The following FGD4 variants were observed in gnomAD, a reference collection of about 807,000 sequenced individuals.
The protein encoded by FGD4 is FYVE, RhoGEF and PH domain-containing protein 4.
Under a neutral mutation model 102.0 loss-of-function variants are expected in FGD4, and 42 were observed. The observed-to-expected ratio is 0.41, with a 90% CI of 0.32 to 0.53. The LOEUF is 0.53. Among genes scored for constraint, FGD4 ranks in the 20% least tolerant of loss-of-function variants. The pLI is 0.21. For synonymous variants in FGD4, 380 were observed against 375.7 expected, an observed-to-expected ratio of 1.01 and a Z score of -0.13; for missense variants, 902 against 1,078.2, an observed-to-expected ratio of 0.84 and a Z score of 2.29.
chr12:32,559,563 T>C (rs1254852361), intron 1 of FGD4, among the ~76,000 whole-genome samples: 1 of 152,230 alleles, frequency 6.6e-6, no homozygotes, highest in Non-Finnish European at 1.5e-5. Context: ...GTTGATCTAA[T>C]TGCCTCTGGC....
intron 1 of FGD4, among the ~76,000 whole-genome samples, chr12:32,549,365 G>A (rs1341216091): frequency 1.3e-5 from 2 of 152,076 alleles, no homozygotes; most frequent in African/African-American, 4.8e-5. Flanking sequence ...TCTTAATTCT[G>A]GGGTTCGGAA....
intron 1 of FGD4, among the ~76,000 whole-genome samples, chr12:32,455,986 T>C (rs543557125): frequency 5.3e-5 from 8 of 152,266 alleles, no homozygotes; most frequent in Admixed American, 5.2e-4. Flanking sequence ...AGTGGACGAG[T>C]GCACTTTCAG....
intron 1 of FGD4, among the ~76,000 whole-genome samples, chr12:32,482,874 C>T (rs1444208486): frequency 6.6e-6 from 1 of 152,146 alleles, no homozygotes; most frequent in African/African-American, 2.4e-5. Context: ...GCATTCCAGA[C>T]CTGCCGTTTA....
chr12:32,536,198 G>A (rs1004219254), intron 1 of FGD4, among the ~76,000 whole-genome samples: 1 of 151,904 alleles, frequency 6.6e-6, no homozygotes, highest in African/African-American at 2.4e-5. Flanking sequence ...TGACTCAATA[G>A]GAAATATTAT....
intron 1 of FGD4, among the ~76,000 whole-genome samples, chr12:32,489,992 G>C (rs188550556): frequency 5.3e-5 from 8 of 152,120 alleles, no homozygotes; most frequent in African/African-American, 1.4e-4. Context: ...TTCCTTTACA[G>C]GTAGGTCTCT....
At chr12:32,503,327 A>T (rs1938397356) in intron 1 of FGD4, among the ~76,000 whole-genome samples, 2 of 152,208 alleles carry the variant, frequency 1.3e-5, no homozygotes, top group South Asian at 4.1e-4. Flanking sequence ...ATGCAGGTTC[A>T]GTCTTTCTGA....
At chr12:32,481,153 A>AAAAAAAAAAAAAAAAC (rs1943751985) in intron 1 of FGD4, among the ~76,000 whole-genome samples, 1 of 148,770 alleles carries the variant, frequency 6.7e-6, no homozygotes, top group Non-Finnish European at 1.5e-5. Context: ...AAAAAAAAAA[A>AAAAAAAAAAAAAAAAC]AAAAGCCGGG....
chr12:32,464,358 G>A (rs1943195556), intron 1 of FGD4, among the ~76,000 whole-genome samples: 1 of 151,890 alleles, frequency 6.6e-6, no homozygotes, highest in Admixed American at 6.6e-5. Flanking sequence ...TCACCGTGTT[G>A]CCCAGGCTGG....
chr12:32,486,076 C>T, intron 1 of FGD4: 1 of 1,518,476 alleles, frequency 6.6e-7, no homozygotes, highest in Non-Finnish European at 8.8e-7. Flanking sequence ...AATCCTTGCT[C>T]CAGAAGCAGG....
intron 1 of FGD4, among the ~76,000 whole-genome samples, chr12:32,490,808 T>G (rs1944061605): frequency 6.6e-6 from 1 of 152,214 alleles, no homozygotes; most frequent in Non-Finnish European, 1.5e-5. Flanking sequence ...GTGTTGTTTC[T>G]GGGTATAATC....
chr12:32,438,781 G>GTT (rs1485298911), intron 1 of FGD4, among the ~76,000 whole-genome samples: 3 of 151,406 alleles, frequency 2.0e-5, no homozygotes, highest in African/African-American at 4.9e-5. Context: ...AATTTTCTGT[G>GTT]TTTTTTTTAG....
At chr12:32,582,536 A>C (rs761735095) in intron 4 of FGD4, 69 bp downstream of exon 4, 5 of 1,582,114 alleles carry the variant, frequency 3.2e-6, no homozygotes, top group Non-Finnish European at 4.3e-6. Flanking sequence ...AAAACTCTTT[A>C]TTTATTGCAC....
chr12:32,563,074 G>T, intron 1 of FGD4, among the ~76,000 whole-genome samples: 1 of 148,442 alleles, frequency 6.7e-6, no homozygotes, highest in Admixed American at 6.7e-5. Context: ...CGGACGGGGC[G>T]GCTGGCCGGG....
intron 2 of FGD4, among the ~76,000 whole-genome samples, chr12:32,571,250 T>C (rs1945637450): frequency 1.3e-5 from 2 of 151,644 alleles, no homozygotes; most frequent in African/African-American, 4.8e-5. Flanking sequence ...AGGTCGGGAG[T>C]TTGAGGCCAA....
chr12:32,557,180 G>A (rs1460393598), intron 1 of FGD4, among the ~76,000 whole-genome samples: 1 of 152,126 alleles, frequency 6.6e-6, no homozygotes, highest in African/African-American at 2.4e-5. Context: ...AAGTCTCTGT[G>A]ATATGTATAC....
intron 1 of FGD4, among the ~76,000 whole-genome samples, chr12:32,417,920 GT>G (rs35396240): frequency 0.54 from 78,052 of 144,076 alleles, 21,633 homozygotes; most frequent in African/African-American, 0.69. Context: ...ACATATCTCT[GT>G]TTTTTTCCAG....
intron 1 of FGD4, among the ~76,000 whole-genome samples, chr12:32,529,741 G>A (rs1228057474): frequency 2.6e-5 from 4 of 151,616 alleles, no homozygotes; most frequent in Admixed American, 6.6e-5. Context: ...TACTCAGGAG[G>A]CTGAGGCAGG....
intron 1 of FGD4, among the ~76,000 whole-genome samples, chr12:32,515,435 T>C (rs1939792065): frequency 6.6e-6 from 1 of 152,216 alleles, no homozygotes; most frequent in African/African-American, 2.4e-5. Flanking sequence ...AAGCACCTAA[T>C]GGAAGCAATG....
At chr12:32,552,459 T>G (rs1328999087) in intron 1 of FGD4, among the ~76,000 whole-genome samples, 10 of 135,800 alleles carry the variant, frequency 7.4e-5, no homozygotes, top group African/African-American at 2.9e-4. Context: ...TTTTTTTTTT[T>G]GTAGTAGAGA....
Sources: allele counts gnomAD v4.1 joint callset (sites outside exome capture counted in the v4.1 genomes callset), GRCh38; gene constraint gnomAD v4.1.1; transcripts MANE v1.5; gene names NCBI Gene and HGNC (gene_info 2026-07-23, HGNC 2026-07-21).